ST8SIA6: variants seen among roughly 807,000 people sequenced by gnomAD.
ST8SIA6 encodes alpha-2,8-sialyltransferase 8F.
In ST8SIA6, 39 loss-of-function variants were observed where a neutral mutation model predicts 33.6. The ratio of observed to expected loss-of-function variants is 1.16; its 90% CI spans 0.90 to 1.52. The LOEUF (loss-of-function observed/expected upper bound fraction) is 1.52. Among genes scored for constraint, ST8SIA6 ranks in the 40% most tolerant of loss-of-function variants. The pLI is 0.00. For missense variants in ST8SIA6, 441 were observed against 443.8 expected (o/e 0.99, Z 0.06); for synonymous variants, 172 against 167.2 (o/e 1.03, Z -0.22).
chr10:17,398,414 C>CTACAAA (rs1850905993), intron 2 of ST8SIA6, among the ~76,000 whole-genome samples: 1 of 152,042 alleles, frequency 6.6e-6, no homozygotes, highest in South Asian at 2.1e-4. Flanking sequence ...AAAATAATGC[C>CTACAAA]ATCAGTGCTT....
intron 4 of ST8SIA6, among the ~76,000 whole-genome samples, chr10:17,348,641 C>T (rs970240770): frequency 6.6e-6 from 1 of 152,166 alleles, no homozygotes; most frequent in African/African-American, 2.4e-5. Flanking sequence ...AGAAAGCCAG[C>T]GCGCATCTCA....
At chr10:17,400,023 A>C (rs1256317566) in intron 2 of ST8SIA6, among the ~76,000 whole-genome samples, 2 of 152,182 alleles carry the variant, frequency 1.3e-5, no homozygotes, top group Admixed American at 6.5e-5. Context: ...TCAAAGGAGA[A>C]TGCAGAGCAC....
In ST8SIA6 at chr10:17,440,350, C is replaced by T. The variant is rs550565391; in HGVS notation, c.200+13209G>A. ...CCTCCCAAGTAGCTGGGATTACAGGCGCCCGCCACCATACCCTGCTAATTT... is the reference window on the plus strand; with the variant it reads ...CCTCCCAAGTAGCTGGGATTACAGGTGCCCGCCACCATACCCTGCTAATTT... On this transcript the variant is annotated intron_variant, in intron 2 of 7. Transcript: ENST00000377602. 7.9e-5 allele frequency among the ~76,000 whole-genome samples: 12 copies of T among 151,884 alleles called. No individual in the cohort carries two copies. The East Asian group carries it at 1.2e-3, about 15-fold the overall frequency.
intron 2 of ST8SIA6, among the ~76,000 whole-genome samples, chr10:17,405,979 T>A (rs1851243868): frequency 6.6e-6 from 1 of 152,082 alleles, no homozygotes; most frequent in Admixed American, 6.6e-5. Context: ...TTTGATGAAT[T>A]TGATGCAAAA....
At chr10:17,386,942 G>A (rs1284050347) in intron 3 of ST8SIA6, 1 of 152,276 alleles carries the variant, frequency 6.6e-6, no homozygotes, top group East Asian at 1.9e-4. Flanking sequence ...GCCTGAGAAG[G>A]GAGGAGTTAT....
At chr10:17,402,763 G>A (rs750830892) in intron 2 of ST8SIA6, among the ~76,000 whole-genome samples, 7 of 152,058 alleles carry the variant, frequency 4.6e-5, no homozygotes, top group African/African-American at 9.7e-5. Flanking sequence ...ATCACACACC[G>A]GGGCTTGTTG....
chr10:17,398,344 A>T (rs975655979), intron 2 of ST8SIA6, among the ~76,000 whole-genome samples: 5 of 152,004 alleles, frequency 3.3e-5, no homozygotes, highest in African/African-American at 1.2e-4. Context: ...AAAAAAAAAA[A>T]TTAAGACTCT....
intron 2 of ST8SIA6, among the ~76,000 whole-genome samples, chr10:17,422,671 A>T (rs1268531404): frequency 1.3e-5 from 2 of 152,346 alleles, no homozygotes; most frequent in East Asian, 1.9e-4. Flanking sequence ...CTGTAAAAAA[A>T]CTATTTTACT....
chr10:17,322,211 GAGAAAGAAAAGAA>G (rs1267804318), intron 7 of ST8SIA6, among the ~76,000 whole-genome samples: 1 of 141,146 alleles, frequency 7.1e-6, no homozygotes, highest in Admixed American at 7.2e-5. Context: ...AGGAAAGAAA[GAGAAAGAAAAGAA>G]AGAAAGAAAA....
At chr10:17,348,554 C>G (rs943522600) in intron 4 of ST8SIA6, among the ~76,000 whole-genome samples, 2 of 152,160 alleles carry the variant, frequency 1.3e-5, no homozygotes, top group Non-Finnish European at 2.9e-5. Context: ...GGTGGAGAAA[C>G]AGGTAGGCAG....
chr10:17,336,439 T>C (rs1403809112), intron 4 of ST8SIA6, among the ~76,000 whole-genome samples: 1 of 152,248 alleles, frequency 6.6e-6, no homozygotes, highest in East Asian at 1.9e-4. Context: ...TTGTTGCAAT[T>C]CAAAGTAAAT....
intron 2 of ST8SIA6, chr10:17,403,473 T>C (rs956867734): frequency 1.3e-5 from 2 of 152,202 alleles, no homozygotes; most frequent in African/African-American, 4.8e-5. Context: ...TTTCTGTCTT[T>C]TTTAACCGAC....
intron 4 of ST8SIA6, among the ~76,000 whole-genome samples, chr10:17,353,597 T>G (rs564970813): frequency 6.6e-6 from 1 of 152,312 alleles, no homozygotes; most frequent in South Asian, 2.1e-4. Context: ...AAGGAATAAC[T>G]TCCAAGAAAT....
At chr10:17,386,330 T>A (rs1850346255) in intron 3 of ST8SIA6, among the ~76,000 whole-genome samples, 1 of 151,590 alleles carries the variant, frequency 6.6e-6, no homozygotes, top group Admixed American at 6.6e-5. Flanking sequence ...AGGAGCTCGA[T>A]CACAAGGTCA....
chr10:17,390,858 GA>G (rs1850574662), intron 2 of ST8SIA6, among the ~76,000 whole-genome samples: 1 of 135,182 alleles, frequency 7.4e-6, no homozygotes, highest in Non-Finnish European at 1.5e-5. Context: ...CTATTTTGAA[GA>G]CCTTTTTTTT....
At chr10:17,444,918 C>T (rs2131742630) in intron 2 of ST8SIA6, among the ~76,000 whole-genome samples, 1 of 152,310 alleles carries the variant, frequency 6.6e-6, no homozygotes, top group Non-Finnish European at 1.5e-5. Context: ...TTTTCAGAAA[C>T]CAGACTCAAG....
intron 2 of ST8SIA6, among the ~76,000 whole-genome samples, chr10:17,443,549 C>T (rs1852582765): frequency 6.6e-6 from 1 of 152,108 alleles, no homozygotes. Context: ...ACAGGTTGTG[C>T]CCTATAAAAT....
chr10:17,439,524 C>T (rs759399367), intron 2 of ST8SIA6, among the ~76,000 whole-genome samples: 9 of 152,234 alleles, frequency 5.9e-5, no homozygotes, highest in Non-Finnish European at 1.3e-4. Flanking sequence ...AGGTGATCCA[C>T]CCGCCTCGGC....
intron 3 of ST8SIA6, among the ~76,000 whole-genome samples, chr10:17,377,616 T>A (rs1381756188): frequency 6.6e-6 from 1 of 152,204 alleles, no homozygotes; most frequent in Non-Finnish European, 1.5e-5. Flanking sequence ...CTATCCCACT[T>A]GTTCTCCTAA....
Sources: gnomAD v4.1 joint callset for allele counts (sites outside exome capture counted in the v4.1 genomes callset) on GRCh38, gnomAD v4.1.1 for gene constraint, MANE v1.5 for transcripts, NCBI Gene and HGNC (gene_info 2026-07-23, HGNC 2026-07-21) for gene names.